MEI4: variants seen among roughly 807,000 people sequenced by gnomAD.
MEI4 encodes meiotic double-stranded break formation protein 4.
Under a neutral mutation model 31.4 loss-of-function variants are expected in MEI4, and 27 were observed. The ratio of observed to expected loss-of-function variants is 0.86; its 90% CI spans 0.63 to 1.19. The LOEUF (loss-of-function observed/expected upper bound fraction) is 1.19, where lower values mean the gene tolerates loss of function less well. Ranked by LOEUF, MEI4 falls within the 50% of genes most tolerant of loss-of-function variation. MEI4 has a pLI of 0.00. For synonymous variants in MEI4, 122 were observed against 145.4 expected (o/e 0.84, Z 1.16); for missense variants, 329 against 398.9 (o/e 0.82, Z 1.49).
intron 1 of MEI4, among the ~76,000 whole-genome samples, chr6:77,675,069 C>T (rs1768816083): frequency 1.4e-5 from 2 of 139,014 alleles, no homozygotes; most frequent in Admixed American, 1.5e-4. Context: ...GTTTTATCAA[C>T]AGTTACGTAA....
chr6:77,732,257 T>G (rs1313155681), intron 2 of MEI4, among the ~76,000 whole-genome samples: 1 of 152,030 alleles, frequency 6.6e-6, no homozygotes, highest in Non-Finnish European at 1.5e-5. Context: ...TTTCTACCCA[T>G]GAGCATGGAA....
intron 3 of MEI4, among the ~76,000 whole-genome samples, chr6:77,763,548 C>G (rs1363404755): frequency 2.6e-5 from 4 of 152,158 alleles, no homozygotes; most frequent in African/African-American, 9.7e-5. Flanking sequence ...ACCAACTGTT[C>G]AGCAATGGTT....
chr6:77,749,911 A>G (rs1767724067), intron 2 of MEI4, among the ~76,000 whole-genome samples: 1 of 152,224 alleles, frequency 6.6e-6, no homozygotes, highest in African/African-American at 2.4e-5. Context: ...CCAGACTAAC[A>G]GCAGATCTCT....
chr6:77,687,429 C>A (rs1769078476), intron 1 of MEI4, among the ~76,000 whole-genome samples: 1 of 152,076 alleles, frequency 6.6e-6, no homozygotes. Context: ...GTAGCAACAA[C>A]CAGTTCTGAT....
At chr6:77,696,097 G>T (rs1206571593) in intron 2 of MEI4, among the ~76,000 whole-genome samples, 24 of 152,146 alleles carry the variant, frequency 1.6e-4, no homozygotes, top group South Asian at 4.1e-4. Context: ...ATGCTTGTGA[G>T]TTTTGCACAT....
chr6:77,696,515 G>A (rs1313798737), intron 2 of MEI4, among the ~76,000 whole-genome samples: 2 of 151,856 alleles, frequency 1.3e-5, no homozygotes, highest in African/African-American at 4.8e-5. Flanking sequence ...TGCATCTATT[G>A]AGATAATCAT....
At chr6:77,842,707 G>A (rs556692142) in intron 4 of MEI4, among the ~76,000 whole-genome samples, 1 of 152,130 alleles carries the variant, frequency 6.6e-6, no homozygotes, top group East Asian at 1.9e-4. Flanking sequence ...TTTGAGGGAA[G>A]AAAGAAAAGG....
At chr6:77,814,295 C>G (rs1027219992) in intron 3 of MEI4, among the ~76,000 whole-genome samples, 2 of 152,084 alleles carry the variant, frequency 1.3e-5, no homozygotes, top group Admixed American at 6.6e-5. Flanking sequence ...AAATGAATAT[C>G]TCAGTAATCT....
intron 2 of MEI4, among the ~76,000 whole-genome samples, chr6:77,716,595 G>A (rs1766586651): frequency 6.6e-6 from 1 of 152,148 alleles, no homozygotes; most frequent in South Asian, 2.1e-4. Flanking sequence ...TGGCAAAAAA[G>A]GGGAGTAACT....
rs1766820507 is a variant in MEI4 at position 77,925,443 on chromosome 6, A to T, written c.*2097A>T. On this transcript the variant is annotated 3_prime_UTR_variant, in exon 5 of 5. Coordinates refer to ENST00000684080, the MANE Select transcript of MEI4 (RefSeq NM_001322247.2). ...TAAATTAGTATTAAGGTCCAAATCT[A>T]CTGGTCAAAAAGAAGATAAAATGAT... is the stretch of plus-strand genomic sequence containing the variant. 6.6e-6 allele frequency: 1 copy of T among 151,584 alleles called. No homozygotes were observed. Among genetic ancestry groups the T allele is most frequent in the Admixed American group, 6.6e-5 (1 of 15,138 alleles). 9.4% of individuals were successfully genotyped at this position (151,584 alleles called of 1,614,324 possible).
chr6:77,742,041 C>CACA (rs1767421261), intron 2 of MEI4, among the ~76,000 whole-genome samples: 1 of 151,876 alleles, frequency 6.6e-6, no homozygotes, highest in Admixed American at 6.6e-5. Flanking sequence ...TGGCTTGGTT[C>CACA]CAAGTCTTTG....
At chr6:77,782,917 A>G (rs1451432150) in intron 3 of MEI4, among the ~76,000 whole-genome samples, 1 of 152,200 alleles carries the variant, frequency 6.6e-6, no homozygotes, top group Non-Finnish European at 1.5e-5. Context: ...GTAATTGGCA[A>G]CCATTTAAAT....
At chr6:77,796,262 ACAT>A (rs928418882) in intron 3 of MEI4, among the ~76,000 whole-genome samples, 3 of 152,198 alleles carry the variant, frequency 2.0e-5, no homozygotes, top group African/African-American at 7.2e-5. Context: ...TCCATAGCTA[ACAT>A]CATACTCAGT....
intron 1 of MEI4, among the ~76,000 whole-genome samples, chr6:77,682,913 G>C (rs1768984216): frequency 6.6e-6 from 1 of 152,194 alleles, no homozygotes; most frequent in Non-Finnish European, 1.5e-5. Context: ...GTGGAATTTG[G>C]GAAAGCTGAT....
intron 2 of MEI4, among the ~76,000 whole-genome samples, chr6:77,752,147 C>A (rs2127678286): frequency 6.6e-6 from 1 of 152,206 alleles, no homozygotes; most frequent in African/African-American, 2.4e-5. Context: ...TTATGACAAA[C>A]CCACAGCCAA....
intron 2 of MEI4, among the ~76,000 whole-genome samples, chr6:77,757,348 ATTC>A (rs899310084): frequency 3.9e-5 from 6 of 152,134 alleles, no homozygotes; most frequent in Non-Finnish European, 8.8e-5. Context: ...CTGAAAGGAG[ATTC>A]TTCTTTGTGT....
chr6:77,800,218 G>A (rs1363293126), intron 3 of MEI4, among the ~76,000 whole-genome samples: 1 of 151,968 alleles, frequency 6.6e-6, no homozygotes, highest in Non-Finnish European at 1.5e-5. Context: ...CACATACCTT[G>A]TAAGTTGGAT....
intron 2 of MEI4, among the ~76,000 whole-genome samples, chr6:77,746,347 G>A (rs921944496): frequency 6.6e-6 from 1 of 152,168 alleles, no homozygotes; most frequent in African/African-American, 2.4e-5. Context: ...CCTCCGAAAT[G>A]TAGGTTGGCC....
At chr6:77,819,781 G>A (rs906031025) in intron 3 of MEI4, among the ~76,000 whole-genome samples, 25 of 152,134 alleles carry the variant, frequency 1.6e-4, no homozygotes, top group African/African-American at 6.0e-4. Flanking sequence ...GTTGGATTTA[G>A]TATGTCAGTT....
Sources: allele counts gnomAD v4.1 joint callset (sites outside exome capture counted in the v4.1 genomes callset), GRCh38; gene constraint gnomAD v4.1.1; transcripts MANE v1.5; gene names NCBI Gene and HGNC (gene_info 2026-07-23, HGNC 2026-07-21).